SAMTOR: variants seen among roughly 807,000 people sequenced by gnomAD.
The protein encoded by SAMTOR is S-adenosylmethionine sensor upstream of mTORC1.
the SAMTOR span, among the ~76,000 whole-genome samples, chr7:112,839,516 T>A: frequency 6.6e-6 from 1 of 151,772 alleles, no homozygotes; most frequent in Admixed American, 6.6e-5. Flanking sequence ...AGACATCACC[T>A]TAGTCAAAAG....
the SAMTOR span, among the ~76,000 whole-genome samples, chr7:112,917,791 C>T: frequency 5.3e-5 from 8 of 151,928 alleles, no homozygotes; most frequent in South Asian, 2.1e-4. Flanking sequence ...TCGAGAACTA[C>T]GTGAAGAATG....
chr7:112,893,767 T>C, the SAMTOR span, among the ~76,000 whole-genome samples: 1 of 152,196 alleles, frequency 6.6e-6, no homozygotes, highest in African/African-American at 2.4e-5. Context: ...CTTGGCACAG[T>C]GGCACGCACC....
the SAMTOR span, among the ~76,000 whole-genome samples, chr7:112,843,554 A>C: frequency 6.6e-6 from 1 of 152,050 alleles, no homozygotes; most frequent in African/African-American, 2.4e-5. Context: ...GAGACCGATA[A>C]ATTCCTGAAC....
the SAMTOR span, chr7:112,821,669 T>C: frequency 2.3e-5 from 32 of 1,390,326 alleles, no homozygotes; most frequent in Middle Eastern, 7.8e-4. Context: ...CAGTACTGAG[T>C]TCATGTTAGT....
chr7:112,827,076 C>G, the SAMTOR span, among the ~76,000 whole-genome samples: 2 of 152,154 alleles, frequency 1.3e-5, no homozygotes, highest in African/African-American at 4.8e-5. Flanking sequence ...TGATCATATT[C>G]TTTGCTCTGA....
the SAMTOR span, among the ~76,000 whole-genome samples, chr7:112,894,929 C>T: frequency 2.6e-5 from 4 of 151,992 alleles, no homozygotes; most frequent in African/African-American, 9.7e-5. Context: ...ATAAAGCAAG[C>T]GCAATAAATA....
the SAMTOR span, among the ~76,000 whole-genome samples, chr7:112,866,261 C>T: frequency 6.6e-6 from 1 of 152,076 alleles, no homozygotes; most frequent in African/African-American, 2.4e-5. Flanking sequence ...ATGTATAATA[C>T]TACTGAGGAC....
At chr7:112,866,058 A>G in the SAMTOR span, among the ~76,000 whole-genome samples, 2 of 152,020 alleles carry the variant, frequency 1.3e-5, no homozygotes, top group African/African-American at 2.4e-5. Context: ...CTAACTATTT[A>G]CATGCCAGGC....
chr7:112,905,909 A>G, the SAMTOR span, among the ~76,000 whole-genome samples: 1 of 152,188 alleles, frequency 6.6e-6, no homozygotes, highest in African/African-American at 2.4e-5. Context: ...AGTCAAATGA[A>G]TAAGAGAGGA....
At chr7:112,863,329 C>A in the SAMTOR span, among the ~76,000 whole-genome samples, 1 of 152,102 alleles carries the variant, frequency 6.6e-6, no homozygotes, top group African/African-American at 2.4e-5. Flanking sequence ...AAGTATAAAT[C>A]CCTGAAAGAC....
At chr7:112,856,250 TTTTC>T in the SAMTOR span, among the ~76,000 whole-genome samples, 1 of 151,598 alleles carries the variant, frequency 6.6e-6, no homozygotes, top group African/African-American at 2.4e-5. Context: ...TTTACTTTTT[TTTTC>T]TTTTTTTTTT....
At chr7:112,926,708 T>C in the SAMTOR span, among the ~76,000 whole-genome samples, 1 of 152,082 alleles carries the variant, frequency 6.6e-6, no homozygotes, top group African/African-American at 2.4e-5. Flanking sequence ...AAATACTCCA[T>C]ATTAAATGCT....
the SAMTOR span, among the ~76,000 whole-genome samples, chr7:112,896,358 G>A: frequency 6.6e-6 from 1 of 152,114 alleles, no homozygotes; most frequent in South Asian, 2.1e-4. Flanking sequence ...CACAGACATT[G>A]CTTGGTGAAG....
At chr7:112,889,420 G>T in the SAMTOR span, among the ~76,000 whole-genome samples, 2 of 152,144 alleles carry the variant, frequency 1.3e-5, no homozygotes, top group Admixed American at 6.5e-5. Flanking sequence ...GAACAAGCAT[G>T]TACCACACTA....
the SAMTOR span, among the ~76,000 whole-genome samples, chr7:112,867,880 G>T: frequency 6.6e-6 from 1 of 152,218 alleles, no homozygotes; most frequent in South Asian, 2.1e-4. Context: ...TAGGAACCGG[G>T]CTGCATAGCA....
At chr7:112,831,866 T>C in the SAMTOR span, among the ~76,000 whole-genome samples, 1 of 152,212 alleles carries the variant, frequency 6.6e-6, no homozygotes, top group Non-Finnish European at 1.5e-5. Context: ...GCCAAAGCCC[T>C]TGCCTCTTTC....
the SAMTOR span, among the ~76,000 whole-genome samples, chr7:112,921,950 T>C: frequency 1.5e-4 from 10 of 66,594 alleles, no homozygotes; most frequent in South Asian, 1.0e-3. Context: ...CCTCCCCCTC[T>C]CCCTCTCCCT....
the SAMTOR span, among the ~76,000 whole-genome samples, chr7:112,880,262 G>C: frequency 6.6e-6 from 1 of 152,072 alleles, no homozygotes; most frequent in Non-Finnish European, 1.5e-5. Flanking sequence ...TCAATGCCTA[G>C]AGCTTTGGGT....
the SAMTOR span, among the ~76,000 whole-genome samples, chr7:112,912,652 T>A: frequency 1.1e-4 from 16 of 151,994 alleles, no homozygotes; most frequent in Non-Finnish European, 2.1e-4. Context: ...AGATGTTACA[T>A]AACTTCTCTT....
Sources: gnomAD v4.1 joint callset for allele counts (sites outside exome capture counted in the v4.1 genomes callset) on GRCh38, gnomAD v4.1.1 for gene constraint, MANE v1.5 for transcripts, NCBI Gene and HGNC (gene_info 2026-07-23, HGNC 2026-07-21) for gene names.